Variants in ZNF777 observed in about 807,000 individuals in gnomAD.
The protein encoded by ZNF777 is zinc finger protein 777.
In ZNF777, 7 loss-of-function variants were observed where a neutral mutation model predicts 72.1. That is an observed-to-expected ratio of 0.10 (90% CI 0.06 to 0.18). The LOEUF (loss-of-function observed/expected upper bound fraction) is 0.18. Among genes scored for constraint, ZNF777 ranks in the 10% least tolerant of loss-of-function variants. The pLI is 1.00. For missense variants in ZNF777, 828 were observed against 1,128.6 expected, an observed-to-expected ratio of 0.73 and a Z score of 3.82; for synonymous variants, 545 against 483.5, an observed-to-expected ratio of 1.13 and a Z score of -1.67.
At position 149,431,730 on chromosome 7, in the gene ZNF777, G is replaced by A. The variant is rs1215424392; in HGVS notation, c.*46C>T. On this transcript the variant is annotated 3_prime_UTR_variant, in exon 6 of 6. Transcript: ENST00000247930. ...TCGGGCCTGGCGGTGTCCGAGGGGG[G>A]GCACGGCCCGCGCACCTGGCCGGGC... The A allele has an allele frequency of 2.0e-5, 26 of 1,295,810 alleles. 1 individual carries two copies. Among genetic ancestry groups the A allele is most frequent in the Middle Eastern group, 2.8e-4 (1 of 3,580 alleles). The allele number at this position is 1,295,810 out of a possible 1,614,324, so 80.3% of individuals were successfully genotyped here. A position where few individuals can be genotyped will look rare whatever the true frequency, so the allele number is the denominator to read the frequency against.
chr7:149,434,055 C>T (rs1257199227), intron 5 of ZNF777, among the ~76,000 whole-genome samples: 1 of 151,586 alleles, frequency 6.6e-6, no homozygotes, highest in Non-Finnish European at 1.5e-5. Flanking sequence ...TTTTCATGAG[C>T]ACAGTATCTT....
chr7:149,445,299 G>T (rs984369712), intron 4 of ZNF777, among the ~76,000 whole-genome samples: 2 of 151,990 alleles, frequency 1.3e-5, no homozygotes, highest in Non-Finnish European at 2.9e-5. Context: ...TCTCTGCATG[G>T]TCTCTGTTCC....
At chr7:149,446,282 G>A (rs1799600904) in intron 4 of ZNF777, among the ~76,000 whole-genome samples, 1 of 152,044 alleles carries the variant, frequency 6.6e-6, no homozygotes, top group Non-Finnish European at 1.5e-5. Flanking sequence ...AGGCCGAGGC[G>A]GGAAAATCAC....
In ZNF777 at chr7:149,457,436, T is replaced by G. The variant is rs566872127; in HGVS notation, c.-15-1399A>C. On this transcript the variant is annotated intron_variant, in intron 1 of 5. Coordinates refer to ENST00000247930, the MANE Select transcript of ZNF777 (RefSeq NM_015694.3). ...TTGAAAATTGGCATAGCCCCAGTGTTCAGTCTGACATATAGTATGTGTTTG... is the reference window on the plus strand; with the variant it reads ...TTGAAAATTGGCATAGCCCCAGTGTGCAGTCTGACATATAGTATGTGTTTG... Among the ~76,000 whole-genome samples, 4 of 152,344 alleles carry G rather than the reference T, an allele frequency of 2.6e-5. No homozygotes were observed. The South Asian group carries it at 8.3e-4, about 32-fold the overall frequency.
chr7:149,436,578 T>G lies in ZNF777; in HGVS notation c.1336A>C (p.Thr446Pro), dbSNP rs759210685. 3.7e-6 allele frequency: 6 copies of G among 1,602,228 alleles called. No homozygotes were observed. In the Admixed American group the frequency reaches 5.0e-5, roughly 13 times the overall value. ...GCCGTCCCCGCCCAGCACTCACCCG[T>G]GCAGTTCCTCTGCTGCACCAGCATC... ...KQMLVQQRNCTEGIVIKTEEQ... is the reference protein window; with the variant it reads ...KQMLVQQRNCPEGIVIKTEEQ... The change falls in exon 5 of 6, where the codon ACG (threonine) becomes CCG (proline). Residue 446 changes from threonine to proline, a missense_variant. This residue lies in a region of ZNF777 where 219 missense variants were observed against 223.0 expected (regional missense o/e 0.98). Coordinates refer to ENST00000247930, the MANE Select transcript of ZNF777 (RefSeq NM_015694.3). The surrounding 1 kb of genome is among the most constrained non-coding windows in gnomAD (Gnocchi z 5.0).
Position 149,456,187 on chromosome 7 carries a change from C to T in ZNF777, c.-15-150G>A, listed in dbSNP as rs1197198059. 5 of 725,726 alleles carry T rather than the reference C, an allele frequency of 6.9e-6. No individual in the cohort carries two copies. In the African/African-American group the frequency reaches 8.9e-5, roughly 13 times the overall value. The allele number at this position is 725,726 out of a possible 1,614,324, so 45.0% of individuals were successfully genotyped here. Reference sequence around the variant, plus strand: ...ATATGTGAATCTCTTCTAGAGACCACAGCACCAATTTAGACATCAATTATA... The same window carrying T: ...ATATGTGAATCTCTTCTAGAGACCATAGCACCAATTTAGACATCAATTATA... On this transcript the variant is annotated intron_variant, in intron 1 of 5. Coordinates refer to ENST00000247930, the MANE Select transcript of ZNF777 (RefSeq NM_015694.3).
Position 149,436,855 on chromosome 7 carries a change from G to A in ZNF777, c.1088-29C>T. The A allele has an allele frequency of 6.3e-7, 1 of 1,592,546 alleles. No individual in the cohort carries two copies. Among genetic ancestry groups the A allele is most frequent in the South Asian group, 1.1e-5 (1 of 89,928 alleles). On this transcript the variant is annotated intron_variant, in intron 4 of 5. Coordinates refer to ENST00000247930, the MANE Select transcript of ZNF777 (RefSeq NM_015694.3). This position sits in a 1 kb window ranked among gnomAD's most constrained non-coding sequence, Gnocchi z 5.0. ...AGAGAGGGTGGGCAGGGGTGAGGAG[G>A]AGAAAAGAACCCAGAATGTTCATGC... is the stretch of plus-strand genomic sequence containing the variant.
chr7:149,448,577 A>AGTTATATAGTT (rs1295944994), intron 4 of ZNF777, among the ~76,000 whole-genome samples: 1 of 58,904 alleles, frequency 1.7e-5, no homozygotes, highest in African/African-American at 1.0e-4. Flanking sequence ...TTATACATAT[A>AGTTATATAGTT]ACTATATATA....
intron 4 of ZNF777, among the ~76,000 whole-genome samples, chr7:149,450,052 A>T (rs1465091952): frequency 2.0e-5 from 3 of 152,212 alleles, no homozygotes; most frequent in Admixed American, 6.5e-5. Context: ...GGCCCCAAAC[A>T]GAGTTCTCCA....
At position 149,440,492 on chromosome 7, in the gene ZNF777, G is replaced by C. The variant is rs1025115116; in HGVS notation, c.1088-3666C>G. 2.0e-5 allele frequency among the ~76,000 whole-genome samples: 3 copies of C among 152,042 alleles called. 1 individual carries two copies. The South Asian group carries it at 6.2e-4, about 32-fold the overall frequency. ...GCCACCTCAGCCTCTAGAGTAGCTG[G>C]GTCTACAGGCAAGTGCTACCATGCC... On this transcript the variant is annotated intron_variant, in intron 4 of 5. Transcript: ENST00000247930.
intron 4 of ZNF777, among the ~76,000 whole-genome samples, chr7:149,438,462 AAT>A (rs546769767): frequency 6.2e-4 from 94 of 152,350 alleles, no homozygotes; most frequent in African/African-American, 2.1e-3. Flanking sequence ...ATGACAATAG[AAT>A]ATGTCATGTA....
At chr7:149,442,631 A>G (rs2116583024) in intron 4 of ZNF777, among the ~76,000 whole-genome samples, 1 of 152,260 alleles carries the variant, frequency 6.6e-6, no homozygotes, top group South Asian at 2.1e-4. Context: ...AAAAAAAAAA[A>G]AAGTAAACCA....
At chr7:149,437,805 C>CT (rs898319193) in intron 4 of ZNF777, among the ~76,000 whole-genome samples, 1,636 of 108,158 alleles carry the variant, frequency 0.015, 18 homozygotes, top group Middle Eastern at 0.033. Flanking sequence ...GTTTCTTTTT[C>CT]TTTTTTTTTT....
At chr7:149,434,543 TA>T (rs1799379870) in intron 5 of ZNF777, among the ~76,000 whole-genome samples, 1 of 152,196 alleles carries the variant, frequency 6.6e-6, no homozygotes, top group Non-Finnish European at 1.5e-5. Context: ...TGAGAAGCAC[TA>T]AACTCTCCTT....
At chr7:149,453,204 G>A (rs561774131) in intron 3 of ZNF777, among the ~76,000 whole-genome samples, 1 of 152,216 alleles carries the variant, frequency 6.6e-6, no homozygotes, top group South Asian at 2.1e-4. Context: ...GAGTGGTACT[G>A]GTGAATGGGT....
intron 4 of ZNF777, among the ~76,000 whole-genome samples, chr7:149,449,521 C>T (rs1015041907): frequency 6.6e-5 from 10 of 152,204 alleles, no homozygotes; most frequent in African/African-American, 1.7e-4. Flanking sequence ...GCACCTGAAC[C>T]GCAAGGCCCC....
rs369703315 is a variant in ZNF777 at position 149,432,770 on chromosome 7, T to C, written c.1502A>G (p.Glu501Gly). Residue 501 changes from glutamate to glycine, a missense_variant, in exon 6 of 6, where the codon GAG (glutamate) becomes GGG (glycine). Physicochemically the swap from Glu to Gly is moderately conservative, Grantham distance 98. This residue lies in a region of ZNF777 where 219 missense variants were observed against 223.0 expected (regional missense o/e 0.98). Transcript: ENST00000247930. ...TCCTAGCTGCAGGGGCGGGGGGCTC[T>C]CCTCGCCCTCGGGGGACATCTCCCC... ...LPGEMSPEGE[E>G]SPPPLQLGNP... The C allele has an allele frequency of 1.7e-5, 28 of 1,609,870 alleles. No homozygotes were observed. In the African/African-American group the frequency reaches 3.7e-4, roughly 22 times the overall value.
rs1585689144 is a variant in ZNF777, at chr7:149,436,903, C to T, written c.1088-77G>A. On this transcript the variant is annotated intron_variant, in intron 4 of 5. Transcript: ENST00000247930. The surrounding 1 kb of genome is among the most constrained non-coding windows in gnomAD (Gnocchi z 5.0). ...TGCCAACTGCCCAGGTTTCTGCAGCCCTACAATTTACATCTCAATAAGTCT... is the reference window on the plus strand; with the variant it reads ...TGCCAACTGCCCAGGTTTCTGCAGCTCTACAATTTACATCTCAATAAGTCT... The T allele has an allele frequency of 6.6e-7, 1 of 1,522,172 alleles. No individual in the cohort carries two copies. Among genetic ancestry groups the T allele is most frequent in the East Asian group, 2.3e-5 (1 of 43,902 alleles). 94.3% of individuals were successfully genotyped at this position (1,522,172 alleles called of 1,614,324 possible).
chr7:149,450,279 C>T (rs755343280), intron 4 of ZNF777, among the ~76,000 whole-genome samples: 1 of 152,192 alleles, frequency 6.6e-6, no homozygotes, highest in Non-Finnish European at 1.5e-5. Context: ...GACCCAGCTG[C>T]TGTGAATGGG....
Sources: gnomAD v4.1 joint callset for allele counts (sites outside exome capture counted in the v4.1 genomes callset) on GRCh38, gnomAD v4.1.1 for gene constraint, gnomAD v4.1.1 regional missense constraint, Gnocchi (gnomAD v3.1) non-coding constraint, MANE v1.5 for transcripts, NCBI Gene and HGNC (gene_info 2026-07-23, HGNC 2026-07-21) for gene names.